ATP8A2: variants seen among roughly 807,000 people sequenced by gnomAD.
ATP8A2 encodes ATPase phospholipid transporting 8A2.
In ATP8A2, 100 loss-of-function variants were observed where a neutral mutation model predicts 165.6. The observed-to-expected ratio is 0.60, with a 90% CI of 0.51 to 0.71. The LOEUF is 0.71. Ranked by LOEUF, ATP8A2 falls within the 30% of genes least tolerant of loss-of-function variation. The pLI is 0.00. For missense variants in ATP8A2, 1,227 were observed against 1,479.5 expected (o/e 0.83, Z 2.80); for synonymous variants, 543 against 548.8 (o/e 0.99, Z 0.15).
intron 35 of ATP8A2, among the ~76,000 whole-genome samples, chr13:25,995,535 A>C (rs1168666627): frequency 1.3e-5 from 2 of 151,738 alleles, no homozygotes; most frequent in Non-Finnish European, 2.9e-5. Context: ...TATTTGTCTT[A>C]AGGCTTTTTC....
intron 2 of ATP8A2, among the ~76,000 whole-genome samples, chr13:25,512,337 C>T (rs999308578): frequency 6.6e-6 from 1 of 152,096 alleles, no homozygotes; most frequent in Non-Finnish European, 1.5e-5. Flanking sequence ...ACCTTTCCCC[C>T]CTTTCTATTC....
intron 9 of ATP8A2, among the ~76,000 whole-genome samples, chr13:25,542,492 G>A (rs2038512250): frequency 6.6e-6 from 1 of 151,204 alleles, no homozygotes; most frequent in Non-Finnish European, 1.5e-5. Flanking sequence ...GTGCCCTCCT[G>A]TCTATATTCT....
Position 25,609,516 on chromosome 13 carries a change from CCAAATATATATATATTTGGGATT to C in ATP8A2, c.2211+19833_2211+19855del, listed in dbSNP as rs1261808275. ...ACAAGCATTAAAAGAATAAAGGATT[CCAAATATATATATATTTGGGATT>C]CAAATATATATATATATATTTGGAT... On this transcript the variant is annotated intron_variant, in intron 24 of 36. Coordinates refer to ENST00000381655, the MANE Select transcript of ATP8A2 (RefSeq NM_016529.6). Among the ~76,000 whole-genome samples, 11 of 20,230 alleles carry C rather than the reference CCAAATATATATATATTTGGGATT, an allele frequency of 5.4e-4. No homozygotes were observed. In the South Asian group the frequency reaches 0.01, roughly 19 times the overall value. The allele number at this position is 20,230 out of a possible 152,430, so 13.3% of individuals were successfully genotyped here. A position where few individuals can be genotyped will look rare whatever the true frequency, so the allele number is the denominator to read the frequency against.
intron 30 of ATP8A2, among the ~76,000 whole-genome samples, chr13:25,849,528 A>C (rs769020391): frequency 1.3e-5 from 2 of 152,230 alleles, no homozygotes; most frequent in Non-Finnish European, 2.9e-5. Context: ...CTCTTTAGAA[A>C]ATGAGACATG....
At chr13:25,818,114 G>A (rs995867174) in intron 27 of ATP8A2, among the ~76,000 whole-genome samples, 3 of 152,112 alleles carry the variant, frequency 2.0e-5, no homozygotes, top group African/African-American at 4.8e-5. Context: ...AACCATATTA[G>A]CAAAAGATTG....
chr13:25,803,533 C>T (rs1950664761), intron 27 of ATP8A2, among the ~76,000 whole-genome samples: 1 of 152,058 alleles, frequency 6.6e-6, no homozygotes, highest in African/African-American at 2.4e-5. Flanking sequence ...CTTTATTTAC[C>T]TCCAGCCATA....
At chr13:25,390,378 CAT>C (rs1330699784) in intron 1 of ATP8A2, among the ~76,000 whole-genome samples, 3 of 152,108 alleles carry the variant, frequency 2.0e-5, no homozygotes, top group East Asian at 3.9e-4. Context: ...GTATAGTATG[CAT>C]AGTGTATGGG....
In ATP8A2 at chr13:25,817,362, GAA is replaced by G. The variant is rs11349625; in HGVS notation, c.2680-10754_2680-10753del. Among the ~76,000 whole-genome samples, 1,078 of 138,640 alleles carry G rather than the reference GAA, an allele frequency of 7.8e-3. 15 individuals are homozygous for G. Among genetic ancestry groups the G allele is most frequent in the African/African-American group, 0.027 (1,004 of 36,608 alleles). 91.0% of individuals were successfully genotyped at this position (138,640 alleles called of 152,430 possible). ...TTATGGTCTTTTATGGGGGGGGGGG[GAA>G]ACACGATTTTGTGTTTACCTGATGT... is the stretch of plus-strand genomic sequence containing the variant. On this transcript the variant is annotated intron_variant, in intron 27 of 36. Coordinates refer to ENST00000381655, the MANE Select transcript of ATP8A2 (RefSeq NM_016529.6).
chr13:25,492,742 G>A (rs2137651004), intron 2 of ATP8A2, among the ~76,000 whole-genome samples: 1 of 152,310 alleles, frequency 6.6e-6, no homozygotes, highest in Non-Finnish European at 1.5e-5. Flanking sequence ...ACCCTAAGCT[G>A]TGCTCTGATC....
In ATP8A2 at chr13:25,953,388, G is replaced by A. The variant is rs190629860; in HGVS notation, c.3184-8187G>A. Among the ~76,000 whole-genome samples, 201 of 152,064 alleles carry A rather than the reference G, an allele frequency of 1.3e-3. 1 individual carries two copies. The highest frequency in any genetic ancestry group is 6.8e-3 in the Middle Eastern group (2 of 294). ...ATGGGAAGTTCTGGCACAGAGTGAC[G>A]CACGAAGAAATTTGAGCTTCCTTCT... On this transcript the variant is annotated intron_variant, in intron 33 of 36. Transcript: ENST00000381655. The surrounding 1 kb of genome is among the most constrained non-coding windows in gnomAD (Gnocchi z 6.7).
At chr13:25,813,171 T>G (rs773196160) in intron 27 of ATP8A2, among the ~76,000 whole-genome samples, 1 of 152,026 alleles carries the variant, frequency 6.6e-6, no homozygotes, top group Non-Finnish European at 1.5e-5. Flanking sequence ...TGTTTACCTA[T>G]GTAACAAACC....
intron 30 of ATP8A2, among the ~76,000 whole-genome samples, chr13:25,843,828 G>A (rs373752394): frequency 3.3e-5 from 5 of 152,062 alleles, no homozygotes; most frequent in Non-Finnish European, 5.9e-5. Context: ...TAGTCAAGAC[G>A]ACTACAGCAT....
Position 26,022,156 on chromosome 13 carries a change from G to A in ATP8A2, c.*2171G>A, listed in dbSNP as rs1396348344. ...CACAAAATGTGCCTATGACTAACAC[G>A]ACAAACCAAGGTGTATGGTTTCTTT... On this transcript the variant is annotated 3_prime_UTR_variant, in exon 37 of 37. Transcript: ENST00000381655. 13 of 152,182 alleles carry A rather than the reference G, an allele frequency of 8.5e-5. No homozygotes were observed. Among genetic ancestry groups the A allele is most frequent in the Non-Finnish European group, 1.3e-4 (9 of 68,044 alleles). 9.4% of individuals were successfully genotyped at this position (152,182 alleles called of 1,614,324 possible). A position where few individuals can be genotyped will look rare whatever the true frequency, so the allele number is the denominator to read the frequency against.
At chr13:25,594,984 G>GTGTATATATATATATA (rs150738527) in intron 24 of ATP8A2, among the ~76,000 whole-genome samples, 2 of 142,818 alleles carry the variant, frequency 1.4e-5, no homozygotes, top group Non-Finnish European at 3.0e-5. Flanking sequence ...GTGTGTGTGT[G>GTGTATATATATATATA]TATATATATA....
intron 24 of ATP8A2, among the ~76,000 whole-genome samples, chr13:25,698,779 A>G (rs2098544768): frequency 1.3e-5 from 2 of 152,160 alleles, no homozygotes; most frequent in Admixed American, 1.3e-4. Flanking sequence ...TCATATTTTT[A>G]TCTTTTGGAT....
intron 35 of ATP8A2, among the ~76,000 whole-genome samples, chr13:26,011,732 G>C (rs919402905): frequency 5.3e-5 from 8 of 152,136 alleles, no homozygotes; most frequent in African/African-American, 1.9e-4. Context: ...CCAGGAGTTT[G>C]AGACCAGCTT....
intron 30 of ATP8A2, among the ~76,000 whole-genome samples, chr13:25,856,637 C>A (rs533366934): frequency 2.0e-5 from 3 of 152,224 alleles, no homozygotes; most frequent in Non-Finnish European, 4.4e-5. Context: ...TTTAAGCATA[C>A]AATTCAGAGA....
Position 25,765,473 on chromosome 13 carries a change from T to C in ATP8A2, c.2385-3573T>C, listed in dbSNP as rs79302723. On this transcript the variant is annotated intron_variant, in intron 25 of 36. Coordinates refer to ENST00000381655, the MANE Select transcript of ATP8A2 (RefSeq NM_016529.6). ...ACTAAAATACTGCATATGGCTAAAGTGGAGTGGTGCCTCTTCATTTCTGTA... is the reference window on the plus strand; with the variant it reads ...ACTAAAATACTGCATATGGCTAAAGCGGAGTGGTGCCTCTTCATTTCTGTA... 1.2e-3 allele frequency among the ~76,000 whole-genome samples: 183 copies of C among 152,322 alleles called. 1 individual carries two copies. Among genetic ancestry groups the C allele is most frequent in the African/African-American group, 4.3e-3 (180 of 41,580 alleles).
intron 24 of ATP8A2, among the ~76,000 whole-genome samples, chr13:25,647,854 T>C (rs145579821): frequency 0.034 from 5,225 of 151,656 alleles, 155 homozygotes; most frequent in East Asian, 0.13. Context: ...CCCGGCTAAA[T>C]TTTTTTGTAT....
Sources: gnomAD v4.1 joint callset for allele counts (sites outside exome capture counted in the v4.1 genomes callset) on GRCh38, gnomAD v4.1.1 for gene constraint, Gnocchi (gnomAD v3.1) non-coding constraint, MANE v1.5 for transcripts, NCBI Gene and HGNC (gene_info 2026-07-23, HGNC 2026-07-21) for gene names.